The following CNTNAP2 variants were observed in gnomAD, a reference collection of about 807,000 sequenced individuals.
CNTNAP2 encodes the protein contactin associated protein 2, also known as contactin-associated protein-like 2.
Under a neutral mutation model 155.2 loss-of-function variants are expected in CNTNAP2, and 98 were observed. The observed-to-expected ratio is 0.63, with a 90% confidence interval of 0.54 to 0.75. The LOEUF is 0.75. Among genes scored for constraint, CNTNAP2 ranks in the 30% least tolerant of loss-of-function variants. CNTNAP2 has a pLI of 0.00. For synonymous variants in CNTNAP2, 651 were observed against 631.2 expected (o/e 1.03, Z -0.47); for missense variants, 1,727 against 1,688.1 (o/e 1.02, Z -0.40).
chr7:146,927,566 T>C (rs1024958194), intron 3 of CNTNAP2, among the ~76,000 whole-genome samples: 26 of 152,140 alleles, frequency 1.7e-4, no homozygotes, highest in African/African-American at 5.8e-4. Context: ...ATATACAATA[T>C]ACAATTTGTA....
intron 2 of CNTNAP2, among the ~76,000 whole-genome samples, chr7:146,811,377 T>C (rs143211867): frequency 3.3e-5 from 5 of 152,296 alleles, no homozygotes; most frequent in African/African-American, 1.2e-4. Context: ...ATTGTTCATG[T>C]CTAGGAATTT....
chr7:148,125,345 A>G (rs2116620153), intron 16 of CNTNAP2, among the ~76,000 whole-genome samples: 2 of 152,086 alleles, frequency 1.3e-5, no homozygotes, highest in South Asian at 4.2e-4. Context: ...TGATGTACAG[A>G]TTATTTTGTC....
intron 1 of CNTNAP2, among the ~76,000 whole-genome samples, chr7:146,613,502 A>G (rs1036812306): frequency 6.6e-6 from 1 of 152,216 alleles, no homozygotes; most frequent in Non-Finnish European, 1.5e-5. Flanking sequence ...TCTACCATCT[A>G]CATTATTGAG....
At chr7:148,212,444 A>G (rs10257925) in intron 18 of CNTNAP2, among the ~76,000 whole-genome samples, 63,327 of 151,988 alleles carry the variant, frequency 0.42, 13,307 homozygotes, top group Middle Eastern at 0.45. Flanking sequence ...TTTTTATATC[A>G]TAGAATATCT....
chr7:146,790,450 G>A (rs923439945), intron 2 of CNTNAP2, among the ~76,000 whole-genome samples: 2 of 152,100 alleles, frequency 1.3e-5, no homozygotes, highest in African/African-American at 4.8e-5. Context: ...CTTTCAAATC[G>A]TGGCCATCAG....
At chr7:147,203,055 AT>A (rs1422608949) in intron 8 of CNTNAP2, among the ~76,000 whole-genome samples, 8 of 151,794 alleles carry the variant, frequency 5.3e-5, no homozygotes, top group Non-Finnish European at 1.0e-4. Context: ...AGATGCTAAG[AT>A]TGAAATAAAG....
At chr7:148,058,808 G>T (rs1356860113) in intron 15 of CNTNAP2, among the ~76,000 whole-genome samples, 1 of 152,160 alleles carries the variant, frequency 6.6e-6, no homozygotes, top group African/African-American at 2.4e-5. Flanking sequence ...AGCGTTGTAT[G>T]CCTAATAGGG....
Position 146,278,720 on chromosome 7 carries a change from C to G in CNTNAP2, c.97+161747C>G, listed in dbSNP as rs754228501. Among the ~76,000 whole-genome samples, 37 of 152,036 alleles carry G rather than the reference C, an allele frequency of 2.4e-4. 1 individual carries two copies. The highest frequency in any genetic ancestry group is 8.9e-4 in the African/African-American group (37 of 41,412). On this transcript the variant is annotated intron_variant, in intron 1 of 23. Coordinates refer to ENST00000361727, the MANE Select transcript of CNTNAP2 (RefSeq NM_014141.6). ...AAAGCAGAAAATAGTGATTGATTAA[C>G]CTTATTTTGTAGTGATGCAGGAATC...
chr7:147,956,585 G>C (rs1801020190), intron 14 of CNTNAP2, among the ~76,000 whole-genome samples: 1 of 152,260 alleles, frequency 6.6e-6, no homozygotes, highest in Non-Finnish European at 1.5e-5. Context: ...AGCACATGCA[G>C]ATGCCTTTCC....
intron 9 of CNTNAP2, among the ~76,000 whole-genome samples, chr7:147,352,562 C>T (rs953009452): frequency 2.0e-5 from 3 of 151,978 alleles, no homozygotes; most frequent in South Asian, 2.1e-4. Context: ...AGGGACTTCA[C>T]ATACTATATG....
intron 1 of CNTNAP2, among the ~76,000 whole-genome samples, chr7:146,389,904 T>C (rs1402575351): frequency 2.0e-5 from 3 of 151,924 alleles, no homozygotes; most frequent in Admixed American, 6.6e-5. Flanking sequence ...TTCCACCATG[T>C]TGGCCAGGCT....
intron 15 of CNTNAP2, among the ~76,000 whole-genome samples, chr7:148,054,018 G>A (rs1209713215): frequency 6.7e-6 from 1 of 150,126 alleles, no homozygotes; most frequent in East Asian, 2.0e-4. Flanking sequence ...TGTCGCCCAG[G>A]CTGGAGTGCA....
intron 13 of CNTNAP2, among the ~76,000 whole-genome samples, chr7:147,757,563 A>C (rs10262422): frequency 1.8e-4 from 27 of 152,092 alleles, no homozygotes; most frequent in African/African-American, 6.5e-4. Flanking sequence ...TAAATAAAAT[A>C]AAAAACTAAT....
intron 1 of CNTNAP2, among the ~76,000 whole-genome samples, chr7:146,749,252 T>C (rs931017053): frequency 3.9e-5 from 6 of 152,154 alleles, no homozygotes; most frequent in Admixed American, 6.5e-5. Context: ...TATACATATA[T>C]GTGTATGTGT....
intron 18 of CNTNAP2, among the ~76,000 whole-genome samples, chr7:148,211,596 T>G (rs1795551817): frequency 6.6e-6 from 1 of 152,118 alleles, no homozygotes; most frequent in Non-Finnish European, 1.5e-5. Context: ...TAAATCAGAA[T>G]TTTTCCCTCC....
At chr7:147,154,496 T>C (rs1801885773) in intron 8 of CNTNAP2, among the ~76,000 whole-genome samples, 1 of 152,222 alleles carries the variant, frequency 6.6e-6, no homozygotes, top group African/African-American at 2.4e-5. Flanking sequence ...TTGTTTATCA[T>C]AAACAATTGT....
intron 4 of CNTNAP2, among the ~76,000 whole-genome samples, chr7:147,104,225 A>T (rs1800710867): frequency 6.6e-6 from 1 of 152,078 alleles, no homozygotes; most frequent in Non-Finnish European, 1.5e-5. Flanking sequence ...CCAAAATAAA[A>T]AGTTTGTGAA....
chr7:146,247,314 C>T (rs542682155), intron 1 of CNTNAP2, among the ~76,000 whole-genome samples: 2 of 152,200 alleles, frequency 1.3e-5, no homozygotes, highest in African/African-American at 4.8e-5. Flanking sequence ...GAGCAGGTGC[C>T]GGAGGGCTAG....
chr7:147,347,420 TTATATATATATATATA>T (rs137977529), intron 9 of CNTNAP2, among the ~76,000 whole-genome samples: 1 of 120,726 alleles, frequency 8.3e-6, no homozygotes, highest in East Asian at 2.5e-4. Flanking sequence ...TGTGAAAAGA[TTATATATATATATATA>T]TATGCATATA....
Sources: gnomAD v4.1 joint callset for allele counts (sites outside exome capture counted in the v4.1 genomes callset) on GRCh38, gnomAD v4.1.1 for gene constraint, MANE v1.5 for transcripts, NCBI Gene and HGNC (gene_info 2026-07-23, HGNC 2026-07-21) for gene names.